NLRP14: variants seen among roughly 807,000 people sequenced by gnomAD.
NLRP14 encodes NLR family pyrin domain containing 14.
Under a neutral mutation model 94.7 loss-of-function variants are expected in NLRP14, and 105 were observed. The ratio of observed to expected loss-of-function variants is 1.11; its 90% CI spans 0.95 to 1.30. The LOEUF (loss-of-function observed/expected upper bound fraction) is 1.30. Ranked by LOEUF, NLRP14 falls within the 50% of genes most tolerant of loss-of-function variation. The probability of loss-of-function intolerance (pLI) is 0.00; values close to 1 mark genes in which losing one functional copy is unlikely to be tolerated. For missense variants in NLRP14, 1,362 were observed against 1,254.1 expected (o/e 1.09, Z -1.30); for synonymous variants, 508 against 459.9 (o/e 1.10, Z -1.34).
At chr11:7,051,454 G>C (rs927488669) in intron 6 of NLRP14, among the ~76,000 whole-genome samples, 1 of 152,204 alleles carries the variant, frequency 6.6e-6, no homozygotes, top group Non-Finnish European at 1.5e-5. Context: ...GATGTGGGCA[G>C]TGTCGATACA....
chr11:7,032,209 ATTATT>A (rs1193573441), intron 1 of NLRP14, among the ~76,000 whole-genome samples: 1 of 152,170 alleles, frequency 6.6e-6, no homozygotes. Flanking sequence ...ATTTGTGGTA[ATTATT>A]TTAAGTACAT....
chr11:7,083,326 C>T, the NLRP14 span, among the ~76,000 whole-genome samples: 20 of 152,344 alleles, frequency 1.3e-4, no homozygotes, highest in Non-Finnish European at 2.2e-4. Flanking sequence ...TTATATTACT[C>T]TGAGGAAAAT....
chr11:7,084,490 A>C, the NLRP14 span, among the ~76,000 whole-genome samples: 1 of 152,126 alleles, frequency 6.6e-6, no homozygotes, highest in Non-Finnish European at 1.5e-5. Context: ...GGGAGGGGAA[A>C]TGGACTAGAG....
Position 7,071,255 on chromosome 11 carries a change from C to A in NLRP14, c.3229C>A (p.Pro1077Thr). The part of the protein sequence containing the change: ...GVSNPHLIIK[P>T]DCNYHNEEDV... ...TAGCAATCCACACTTAATCATTAAG[C>A]CAGATTGTAACTATCATAATGAAGA... is the stretch of plus-strand genomic sequence containing the variant. Residue 1077 changes from proline to threonine, a missense_variant, in exon 12 of 12, where the codon CCA (proline) becomes ACA (threonine). Physicochemically the swap from Pro to Thr is conservative, Grantham distance 38. Transcript: ENST00000299481. 6.2e-7 allele frequency: 1 copy of A among 1,612,288 alleles called. No homozygotes were observed. Among genetic ancestry groups the A allele is most frequent in the Non-Finnish European group, 8.5e-7 (1 of 1,179,164 alleles).
chr11:7,083,940 T>C, the NLRP14 span, among the ~76,000 whole-genome samples: 5 of 152,348 alleles, frequency 3.3e-5, no homozygotes, highest in African/African-American at 1.2e-4. Context: ...GGTCAGGCCA[T>C]TGGTCACCAT....
At chr11:7,090,259 G>A in the NLRP14 span, 1 of 1,607,908 alleles carries the variant, frequency 6.2e-7, no homozygotes, top group Non-Finnish European at 8.5e-7. Context: ...GGCCGTCTAG[G>A]AGGCCGCTTG....
At chr11:7,090,305 A>G in the NLRP14 span, 5 of 1,587,370 alleles carry the variant, frequency 3.1e-6, no homozygotes, top group Non-Finnish European at 4.3e-6. Flanking sequence ...ACTAAGCAGG[A>G]ACAGACTTGG....
At chr11:7,046,210 G>C (rs553142293) in intron 4 of NLRP14, among the ~76,000 whole-genome samples, 56 of 152,254 alleles carry the variant, frequency 3.7e-4, no homozygotes, top group African/African-American at 1.3e-3. Flanking sequence ...TAGAACTTAT[G>C]CAACTCTCTT....
At chr11:7,042,349 CTT>C (rs1852265099) in intron 3 of NLRP14, 37 bp from the exon 4 acceptor site, 1 of 1,571,150 alleles carries the variant, frequency 6.4e-7, no homozygotes, top group Admixed American at 1.7e-5. Flanking sequence ...GATCATGTGT[CTT>C]TGTTTTTGTT....
the NLRP14 span, among the ~76,000 whole-genome samples, chr11:7,078,809 C>A: frequency 6.6e-6 from 1 of 152,096 alleles, no homozygotes; most frequent in South Asian, 2.1e-4. Context: ...TTGATTAAAT[C>A]TTTTAAAAAC....
rs185509987 is a variant in NLRP14, at chr11:7,062,385, A to G, written c.2857A>G (p.Ile953Val). 1.9e-6 allele frequency: 3 copies of G among 1,613,144 alleles called. No individual in the cohort carries two copies. In the East Asian group the frequency reaches 6.7e-5, roughly 36 times the overall value. Residue 953 changes from isoleucine (I) to valine (V), a missense_variant, in exon 10 of 12, where the codon ATT becomes GTT. By Grantham distance (29) the Ile-to-Val change is conservative. Coordinates refer to ENST00000299481, the MANE Select transcript of NLRP14 (RefSeq NM_176822.4). ...ATGTTGTCTGGATCTGGCTTCTGTT[A>G]TTTTGAATAACCCAAACCTGAGGAG... ...NACCLDLASV[I>V]LNNPNLRSLD...
intron 10 of NLRP14, among the ~76,000 whole-genome samples, chr11:7,063,532 A>C (rs1448735076): frequency 6.6e-6 from 1 of 152,056 alleles, no homozygotes; most frequent in Non-Finnish European, 1.5e-5. Context: ...AAGCGCTGTC[A>C]GGGCCTTGCA....
chr11:7,085,993 C>A, the NLRP14 span, among the ~76,000 whole-genome samples: 1 of 152,204 alleles, frequency 6.6e-6, no homozygotes, highest in African/African-American at 2.4e-5. Flanking sequence ...GTTGTGAATA[C>A]TGTTGCTATG....
chr11:7,070,223 CTT>C, intron 10 of NLRP14, 61 bp from the exon 11 acceptor site: 1 of 1,201,420 alleles, frequency 8.3e-7, no homozygotes, highest in East Asian at 2.3e-5. Flanking sequence ...TCACAGATCT[CTT>C]GTGGGCTTTG....
intron 5 of NLRP14, among the ~76,000 whole-genome samples, chr11:7,048,026 C>T (rs748533351): frequency 9.9e-5 from 15 of 151,810 alleles, no homozygotes; most frequent in Non-Finnish European, 1.9e-4. Context: ...TCCCAAAGTG[C>T]TGGGATTACA....
the NLRP14 span, among the ~76,000 whole-genome samples, chr11:7,079,060 G>T: frequency 6.6e-6 from 1 of 152,330 alleles, no homozygotes; most frequent in South Asian, 2.1e-4. Context: ...ACCCTGAGGA[G>T]ATAGGGATTT....
chr11:7,037,227 TG>T (rs1384420687), intron 1 of NLRP14, among the ~76,000 whole-genome samples: 1 of 152,232 alleles, frequency 6.6e-6, no homozygotes, highest in Non-Finnish European at 1.5e-5. Flanking sequence ...GACTTGTTTT[TG>T]TCAGATTTAT....
chr11:7,049,287 A>G (rs1018784982), intron 5 of NLRP14, among the ~76,000 whole-genome samples: 1 of 152,204 alleles, frequency 6.6e-6, no homozygotes, highest in Non-Finnish European at 1.5e-5. Context: ...GCGTTTTGTT[A>G]TTACTGCACA....
In NLRP14 at chr11:7,062,444, T is replaced by C; in HGVS notation, c.2916T>C (p.Asp972=). ...TTGGGAACAACGATTTGCAGGATGA[T>C]GGAGTGAAAATTCTGTGTGATGCTT... The part of the protein sequence containing the change: ...LDLGNNDLQD[D]GVKILCDALR... Residue 972 remains aspartate (D), a synonymous_variant, in exon 10 of 12, where the codon GAT becomes GAC. Coordinates refer to ENST00000299481, the MANE Select transcript of NLRP14 (RefSeq NM_176822.4). 1 of 1,613,232 alleles carries C rather than the reference T, an allele frequency of 6.2e-7. No individual in the cohort carries two copies. Among genetic ancestry groups the C allele is most frequent in the Non-Finnish European group, 8.5e-7 (1 of 1,179,404 alleles).
Sources: allele counts gnomAD v4.1 joint callset (sites outside exome capture counted in the v4.1 genomes callset), GRCh38; gene constraint gnomAD v4.1.1; transcripts MANE v1.5; gene names NCBI Gene and HGNC (gene_info 2026-07-23, HGNC 2026-07-21).